Variants in PIK3C2B observed in about 807,000 individuals in gnomAD.
PIK3C2B encodes the protein phosphatidylinositol 4-phosphate 3-kinase C2 domain-containing subunit beta.
Under a neutral mutation model 184.3 loss-of-function variants are expected in PIK3C2B, and 83 were observed. The ratio of observed to expected loss-of-function variants is 0.45; its 90% CI spans 0.38 to 0.54. The LOEUF (loss-of-function observed/expected upper bound fraction) is 0.54, where lower values mean the gene tolerates loss of function less well. Ranked by LOEUF, PIK3C2B falls within the 20% of genes least tolerant of loss-of-function variation. The pLI is 0.00. For missense variants in PIK3C2B, 1,736 were observed against 2,113.5 expected (o/e 0.82, Z 3.50); for synonymous variants, 779 against 837.6 (o/e 0.93, Z 1.21).
intron 1 of PIK3C2B, among the ~76,000 whole-genome samples, chr1:204,478,389 C>T (rs545350686): frequency 4.6e-5 from 7 of 152,242 alleles, no homozygotes; most frequent in South Asian, 2.1e-4. Context: ...GCCAGGAATC[C>T]GACTCCTACA....
At chr1:204,459,852 G>A in intron 8 of PIK3C2B, 26 bp downstream of exon 8, 1 of 1,602,892 alleles carries the variant, frequency 6.2e-7, no homozygotes, top group Non-Finnish European at 8.5e-7. Flanking sequence ...TCGGGCAGCA[G>A]GGCCAGCCCC....
intron 12 of PIK3C2B, among the ~76,000 whole-genome samples, chr1:204,454,261 T>C (rs1460213708): frequency 6.7e-6 from 1 of 149,692 alleles, no homozygotes; most frequent in Non-Finnish European, 1.5e-5. Context: ...GGCGGGCAGA[T>C]CACGAGGTCA....
chr1:204,435,565 C>T (rs1013237061), intron 23 of PIK3C2B: 9 of 152,160 alleles, frequency 5.9e-5, no homozygotes, highest in African/African-American at 1.9e-4. Flanking sequence ...CTTCAATGAC[C>T]TTGAGTCCCA....
rs537427750 is a variant in PIK3C2B at position 204,489,198 on chromosome 1, T to G, written c.-85+5158A>C. On this transcript the variant is annotated intron_variant, in intron 1 of 32. Transcript: ENST00000684373. ...CAGGGTCTCACTCTGTCACCCAGGC[T>G]ACAGTGAAACCTGGATGCAATCAGA... Among the ~76,000 whole-genome samples, 31 of 152,218 alleles carry G rather than the reference T, an allele frequency of 2.0e-4. 1 individual carries two copies. The highest frequency in any genetic ancestry group is 5.3e-4 in the African/African-American group (22 of 41,552).
chr1:204,441,201 A>G (rs114008209), intron 21 of PIK3C2B, among the ~76,000 whole-genome samples: 1,896 of 152,202 alleles, frequency 0.012, 45 homozygotes, highest in African/African-American at 0.042. Context: ...TCACCACCTT[A>G]CCCAACCCAT....
At position 204,469,742 on chromosome 1, in the gene PIK3C2B, G is replaced by T; in HGVS notation, c.61C>A (p.Arg21Ser). The change falls in exon 2 of 33, where the codon CGC (arginine) becomes AGC (serine). Residue 21 changes from arginine to serine, a missense_variant. This residue lies in a region of PIK3C2B where 404 missense variants were observed against 418.0 expected (regional missense o/e 0.97). Coordinates refer to ENST00000684373, the MANE Select transcript of PIK3C2B (RefSeq NM_001377334.1). The part of the protein sequence containing the change: ...WKSLESVGIS[R>S]KELAMAEALQ... ...GCTTCGGCCATCGCTAGCTCTTTGCGGCTGATGCCCACTGACTCCAGGGAC... is the reference window on the plus strand; with the variant it reads ...GCTTCGGCCATCGCTAGCTCTTTGCTGCTGATGCCCACTGACTCCAGGGAC... The T allele has an allele frequency of 1.2e-6, 2 of 1,613,928 alleles. No individual in the cohort carries two copies. Among genetic ancestry groups the T allele is most frequent in the Non-Finnish European group, 1.7e-6 (2 of 1,179,928 alleles).
At chr1:204,457,704 T>G in intron 9 of PIK3C2B, 24 bp downstream of exon 9, 2 of 1,584,158 alleles carry the variant, frequency 1.3e-6, no homozygotes, top group Non-Finnish European at 1.7e-6. Context: ...TCCTTTCCCC[T>G]GCTAGCACCC....
In PIK3C2B at chr1:204,449,280, G is replaced by A. The variant is rs149945840; in HGVS notation, c.2251C>T (p.Arg751Trp). ...FNFRQVLTCGRKLLGLWPATQ... is the reference protein window; with the variant it reads ...FNFRQVLTCGWKLLGLWPATQ... ...GCTGGCCACAAACCCAGAAGCTTCCGGCCACAGGTCAGGACCCTAAGAAGG... is the reference window on the plus strand; with the variant it reads ...GCTGGCCACAAACCCAGAAGCTTCCAGCCACAGGTCAGGACCCTAAGAAGG... Residue 751 changes from arginine (R) to tryptophan (W), a missense_variant, in exon 14 of 33, where the codon CGG becomes TGG. Arg to Trp is a moderately radical substitution (Grantham distance 101). Transcript: ENST00000684373. 6.2e-6 allele frequency: 10 copies of A among 1,611,086 alleles called. No individual in the cohort carries two copies. The African/African-American group carries it at 6.7e-5, about 11-fold the overall frequency.
chr1:204,442,675 G>T (rs953145485), intron 19 of PIK3C2B, 42 bp from the exon 20 acceptor site: 1 of 1,351,992 alleles, frequency 7.4e-7, no homozygotes, highest in Admixed American at 2.0e-5. Context: ...GAAATGGAGG[G>T]TCCATACTGA....
chr1:204,443,731 T>A (rs976120557), intron 18 of PIK3C2B, 134 bp from the exon 19 acceptor site: 4 of 755,176 alleles, frequency 5.3e-6, no homozygotes, highest in African/African-American at 1.7e-5. Context: ...ATACATTCTG[T>A]ATGTACGGCT....
chr1:204,444,146 C>T lies in PIK3C2B; in HGVS notation c.2789G>A (p.Cys930Tyr). 6.2e-7 allele frequency: 1 copy of T among 1,613,070 alleles called. No homozygotes were observed. Among genetic ancestry groups the T allele is most frequent in the Non-Finnish European group, 8.5e-7 (1 of 1,179,008 alleles). ...PQLVQALKYE[C>Y]YLDSPLVRFL... is the part of the protein sequence containing the mutation. The stretch of plus-strand genomic sequence containing the variant: ...GCGCACCAACGGGCTGTCCAGGTAG[C>T]ATTCATACTTCAGGGCCTGTTTCGG... Residue 930 changes from cysteine (C) to tyrosine (Y), a missense_variant, in exon 18 of 33, where the codon TGC becomes TAC. By Grantham distance (194) the Cys-to-Tyr change is radical. This residue lies in a region of PIK3C2B where 289 missense variants were observed against 380.4 expected (regional missense o/e 0.76). Coordinates refer to ENST00000684373, the MANE Select transcript of PIK3C2B (RefSeq NM_001377334.1).
At chr1:204,456,204 G>C (rs1654834256) in intron 10 of PIK3C2B, 153 bp from the exon 11 acceptor site, 1 of 520,588 alleles carries the variant, frequency 1.9e-6, no homozygotes, top group Non-Finnish European at 3.3e-6. Flanking sequence ...CCCATCTGCG[G>C]TAAAATGAGA....
At chr1:204,459,122 T>G (rs1179242495) in intron 8 of PIK3C2B, among the ~76,000 whole-genome samples, 1 of 151,652 alleles carries the variant, frequency 6.6e-6, no homozygotes, top group African/African-American at 2.4e-5. Context: ...GCTCAAGCGA[T>G]CCTCCCACCT....
chr1:204,454,589 G>GTT, intron 12 of PIK3C2B, 80 bp downstream of exon 12: 1 of 1,483,474 alleles, frequency 6.7e-7, no homozygotes, highest in Non-Finnish European at 9.2e-7. Context: ...TCCTGGACTA[G>GTT]TTATCTGGCC....
intron 23 of PIK3C2B, chr1:204,435,225 T>A (rs1675277760): frequency 6.6e-6 from 1 of 152,194 alleles, no homozygotes; most frequent in Non-Finnish European, 1.5e-5. Context: ...CATCTTTAGT[T>A]GGTAAAATAT....
chr1:204,457,109 A>G (rs1353141239), intron 9 of PIK3C2B, 39 bp from the exon 10 acceptor site: 1 of 1,544,946 alleles, frequency 6.5e-7, no homozygotes, highest in Admixed American at 2.0e-5. Flanking sequence ...CTTCAGGGCC[A>G]TAGCCTTTTT....
At chr1:204,477,389 C>A (rs1317135702) in intron 1 of PIK3C2B, among the ~76,000 whole-genome samples, 3 of 152,188 alleles carry the variant, frequency 2.0e-5, no homozygotes, top group Non-Finnish European at 4.4e-5. Context: ...CCAAAAAGCA[C>A]CAGTCAGCTG....
chr1:204,483,699 T>A (rs754340537), intron 1 of PIK3C2B, among the ~76,000 whole-genome samples: 1 of 152,254 alleles, frequency 6.6e-6, no homozygotes, highest in Non-Finnish European at 1.5e-5. Context: ...GTACATGCCC[T>A]GATGCCTTTC....
At position 204,429,936 on chromosome 1, in the gene PIK3C2B, G is replaced by GA. The variant is rs755769231; in HGVS notation, c.4382_4383insT (p.Glu1463Ter). The GA allele has an allele frequency of 1.2e-6, 2 of 1,608,866 alleles. No individual in the cohort carries two copies. The highest frequency in any genetic ancestry group is 1.7e-6 in the Non-Finnish European group (2 of 1,176,674). ...GCCCACCCACCTCGGCCACCTCAGG[G>GA]GGTGCGTGGATCAAGTGCCAGATGT... On this transcript the variant is annotated frameshift_variant, in exon 29 of 33. Transcript: ENST00000684373. LOFTEE classifies it high-confidence loss of function.
Sources: gnomAD v4.1 joint callset for allele counts (sites outside exome capture counted in the v4.1 genomes callset) on GRCh38, gnomAD v4.1.1 for gene constraint, gnomAD v4.1.1 regional missense constraint, MANE v1.5 for transcripts, NCBI Gene and HGNC (gene_info 2026-07-23, HGNC 2026-07-21) for gene names.